SMIM31: variants seen among roughly 807,000 people sequenced by gnomAD.
SMIM31 encodes the protein human epithelial cell program regulator.
At chr4:164,769,249 G>A (rs1174540242) in intron 1 of SMIM31, among the ~76,000 whole-genome samples, 1 of 151,668 alleles carries the variant, frequency 6.6e-6, no homozygotes, top group Admixed American at 6.6e-5. Context: ...ATTAATATTC[G>A]CAAAATACTG....
intron 1 of SMIM31, among the ~76,000 whole-genome samples, chr4:164,759,852 GA>G (rs1732621771): frequency 6.6e-6 from 1 of 152,190 alleles, no homozygotes; most frequent in South Asian, 2.1e-4. Context: ...GTAAAGATTA[GA>G]AGGTAATAAT....
chr4:164,793,769 G>T (rs1244847593), intron 2 of SMIM31, among the ~76,000 whole-genome samples: 7 of 152,032 alleles, frequency 4.6e-5, no homozygotes, highest in African/African-American at 1.2e-4. Flanking sequence ...ACACACTAGG[G>T]GTTAGGGCTT....
At chr4:164,799,727 A>T (rs1733258435) in intron 2 of SMIM31, among the ~76,000 whole-genome samples, 1 of 152,244 alleles carries the variant, frequency 6.6e-6, no homozygotes, top group South Asian at 2.1e-4. Flanking sequence ...GGCCCACTCA[A>T]GTTGACACAA....
At chr4:164,773,905 G>A (rs946307814) in intron 2 of SMIM31, among the ~76,000 whole-genome samples, 18 of 152,130 alleles carry the variant, frequency 1.2e-4, no homozygotes, top group African/African-American at 4.1e-4. Context: ...GGTGGCTCAC[G>A]CCTGTAATCC....
At chr4:164,772,575 T>C (rs1560826382) in intron 2 of SMIM31, among the ~76,000 whole-genome samples, 1 of 74,896 alleles carries the variant, frequency 1.3e-5, no homozygotes, top group African/African-American at 3.8e-5. Context: ...ATTTTTTTTA[T>C]TTTTATTTTA....
chr4:164,774,631 AAAGTG>A (rs1368736543), intron 2 of SMIM31, among the ~76,000 whole-genome samples: 1 of 152,244 alleles, frequency 6.6e-6, no homozygotes, highest in African/African-American at 2.4e-5. Flanking sequence ...ATGTGTCAGA[AAAGTG>A]ATGCTCCCCA....
chr4:164,767,246 T>C (rs548636507), intron 1 of SMIM31, among the ~76,000 whole-genome samples: 1 of 152,338 alleles, frequency 6.6e-6, no homozygotes, highest in African/African-American at 2.4e-5. Flanking sequence ...GATAGTCTAA[T>C]GACCATCTGA....
intron 2 of SMIM31, among the ~76,000 whole-genome samples, chr4:164,773,476 G>A (rs1029360043): frequency 4.6e-5 from 7 of 152,148 alleles, no homozygotes; most frequent in Non-Finnish European, 7.3e-5. Flanking sequence ...AAGCAAACAT[G>A]TCCTTCTTCA....
intron 2 of SMIM31, among the ~76,000 whole-genome samples, chr4:164,783,548 A>G: frequency 7.1e-6 from 1 of 140,862 alleles, no homozygotes; most frequent in South Asian, 2.3e-4. Context: ...AAAAAAAAAA[A>G]GGAATTTCCA....
rs1397541255 is a variant in SMIM31, at chr4:164,802,390, C to T, written c.*1196C>T. 6.6e-6 allele frequency: 1 copy of T among 152,296 alleles called. No homozygotes were observed. The highest frequency in any genetic ancestry group is 1.5e-5 in the Non-Finnish European group (1 of 68,112). The allele number at this position is 152,296 out of a possible 1,614,324, so 9.4% of individuals were successfully genotyped here. ...AACTGTGACTACAAGCATGTGTCATCACAGCCAGCTAATTTTTGTAATTGT... is the reference window on the plus strand; with the variant it reads ...AACTGTGACTACAAGCATGTGTCATTACAGCCAGCTAATTTTTGTAATTGT... On this transcript the variant is annotated 3_prime_UTR_variant, in exon 3 of 3. Transcript: ENST00000507311.
chr4:164,782,704 T>C (rs979876123), intron 2 of SMIM31, among the ~76,000 whole-genome samples: 3 of 151,218 alleles, frequency 2.0e-5, no homozygotes, highest in Non-Finnish European at 2.9e-5. Flanking sequence ...AATTCAGCAT[T>C]GAATAACAAA....
At chr4:164,792,545 C>T (rs1733116241) in intron 2 of SMIM31, among the ~76,000 whole-genome samples, 2 of 152,034 alleles carry the variant, frequency 1.3e-5, no homozygotes, top group South Asian at 4.2e-4. Context: ...CAAAATTTGT[C>T]TAAATTTTAT....
intron 2 of SMIM31, among the ~76,000 whole-genome samples, chr4:164,771,126 C>A (rs1732795854): frequency 6.6e-6 from 1 of 152,140 alleles, no homozygotes; most frequent in Admixed American, 6.5e-5. Context: ...CCCATCAATT[C>A]TTGACTATAA....
chr4:164,762,679 A>G (rs768031828), intron 1 of SMIM31, among the ~76,000 whole-genome samples: 47 of 133,462 alleles, frequency 3.5e-4, no homozygotes, highest in South Asian at 4.9e-4. Flanking sequence ...AAAAAAAAAA[A>G]AAAAGAAAAA....
intron 1 of SMIM31, among the ~76,000 whole-genome samples, chr4:164,763,408 G>A (rs898937133): frequency 1.3e-5 from 2 of 152,150 alleles, no homozygotes; most frequent in African/African-American, 4.8e-5. Context: ...CAGGAAGGAT[G>A]AGAATGTCTT....
At position 164,795,558 on chromosome 4, in the gene SMIM31, C is replaced by CA. The variant is rs60083689; in HGVS notation, c.113-5507dup. Among the ~76,000 whole-genome samples the CA allele has an allele frequency of 4.6e-3, 355 of 77,002 alleles. 16 individuals carry two copies. The highest frequency in any genetic ancestry group is 6.3e-3 in the Non-Finnish European group (282 of 45,024). 50.5% of individuals were successfully genotyped at this position (77,002 alleles called of 152,430 possible). A position where few individuals can be genotyped will look rare whatever the true frequency, so the allele number is the denominator to read the frequency against. On this transcript the variant is annotated intron_variant, in intron 2 of 2. Transcript: ENST00000507311. Reference sequence around the variant, plus strand: ...CTGGTGACAGAGAGATACTCCATCTCAAAAAAAAAAAAAAAAAAAAAAAAA... The same window carrying CA: ...CTGGTGACAGAGAGATACTCCATCTCAAAAAAAAAAAAAAAAAAAAAAAAAA...
At chr4:164,780,061 C>A (rs937975337) in intron 2 of SMIM31, among the ~76,000 whole-genome samples, 3 of 152,198 alleles carry the variant, frequency 2.0e-5, no homozygotes, top group Non-Finnish European at 4.4e-5. Context: ...AATGCCAAAG[C>A]TTTGTCTTTT....
intron 1 of SMIM31, among the ~76,000 whole-genome samples, chr4:164,769,027 C>G (rs1732758886): frequency 6.6e-6 from 1 of 152,146 alleles, no homozygotes; most frequent in East Asian, 1.9e-4. Flanking sequence ...CCTCTTTCTC[C>G]CTGAACTTCA....
chr4:164,755,208 G>T, intron 1 of SMIM31, among the ~76,000 whole-genome samples: 1 of 151,510 alleles, frequency 6.6e-6, no homozygotes, highest in Admixed American at 6.6e-5. Flanking sequence ...AGCCAGGCAC[G>T]GTGGCTCATG....
Sources: allele counts gnomAD v4.1 joint callset (sites outside exome capture counted in the v4.1 genomes callset), GRCh38; gene constraint gnomAD v4.1.1; transcripts MANE v1.5; gene names NCBI Gene and HGNC (gene_info 2026-07-23, HGNC 2026-07-21).